CTNNA2: variants seen among roughly 807,000 people sequenced by gnomAD.
The protein encoded by CTNNA2 is catenin alpha-2.
CTNNA2 carries 42 observed loss-of-function variants against 101.0 expected under a neutral mutation model. The observed-to-expected ratio is 0.42, with a 90% CI of 0.32 to 0.54. The LOEUF (loss-of-function observed/expected upper bound fraction) is 0.54, where lower values mean the gene tolerates loss of function less well. Among genes scored for constraint, CTNNA2 ranks in the 20% least tolerant of loss-of-function variants. The probability of loss-of-function intolerance (pLI) is 0.14; values close to 1 mark genes in which losing one functional copy is unlikely to be tolerated. For missense variants in CTNNA2, 871 were observed against 1,223.1 expected (o/e 0.71, Z 4.29); for synonymous variants, 450 against 456.4 (o/e 0.99, Z 0.18).
chr2:79,504,122 T>TG lies in CTNNA2; in HGVS notation c.-134-927dup, dbSNP rs543976983. On this transcript the variant is annotated intron_variant, in intron 4 of 21. Coordinates refer to the CTNNA2 transcript ENST00000466387. ...GGACGATATTAACTGAGATTGTGGC[T>TG]GGGGGCAAAGTATCATGGAATGGGT... Among the ~76,000 whole-genome samples, 6 of 152,276 alleles carry TG rather than the reference T, an allele frequency of 3.9e-5. 1 individual carries two copies. In the South Asian group the frequency reaches 1.2e-3, roughly 32 times the overall value.
At chr2:80,541,071 A>G (rs1047965888) in intron 9 of CTNNA2, among the ~76,000 whole-genome samples, 12 of 152,208 alleles carry the variant, frequency 7.9e-5, no homozygotes, top group African/African-American at 2.7e-4. Flanking sequence ...ATCAAAATAT[A>G]TAAAACCAAG....
At chr2:79,279,269 T>C (rs1156900698) in intron 2 of CTNNA2, among the ~76,000 whole-genome samples, 1 of 152,050 alleles carries the variant, frequency 6.6e-6, no homozygotes, top group Non-Finnish European at 1.5e-5. Context: ...TGCCCTCGCA[T>C]AGAAAAGACA....
chr2:80,297,541 A>G (rs1225396144), intron 7 of CTNNA2, among the ~76,000 whole-genome samples: 1 of 152,192 alleles, frequency 6.6e-6, no homozygotes, highest in East Asian at 1.9e-4. Flanking sequence ...TTGAGTAAAA[A>G]AAGCAAAAGT....
At chr2:80,467,079 C>G (rs959821549) in intron 9 of CTNNA2, among the ~76,000 whole-genome samples, 1 of 152,074 alleles carries the variant, frequency 6.6e-6, no homozygotes, top group Admixed American at 6.6e-5. Context: ...TAATGCCTTC[C>G]AAATACCTTA....
intron 2 of CTNNA2, among the ~76,000 whole-genome samples, chr2:79,307,873 A>G (rs1483102492): frequency 6.6e-6 from 1 of 152,132 alleles, no homozygotes; most frequent in Non-Finnish European, 1.5e-5. Context: ...AACCTCACCA[A>G]CATTTGTTTT....
At chr2:80,629,537 C>G (rs1397014838) in intron 18 of CTNNA2, among the ~76,000 whole-genome samples, 1 of 152,122 alleles carries the variant, frequency 6.6e-6, no homozygotes, top group African/African-American at 2.4e-5. Flanking sequence ...TTTAAAAAAA[C>G]ACTGGTCTAG....
intron 2 of CTNNA2, among the ~76,000 whole-genome samples, chr2:79,657,869 T>C (rs1681727441): frequency 6.6e-6 from 1 of 151,832 alleles, no homozygotes; most frequent in African/African-American, 2.4e-5. Flanking sequence ...ATTTTGCAGT[T>C]ATTTCTAATA....
chr2:79,771,564 C>A (rs779718509), intron 3 of CTNNA2, among the ~76,000 whole-genome samples: 10 of 152,170 alleles, frequency 6.6e-5, no homozygotes, highest in Non-Finnish European at 1.5e-4. Context: ...AGTGACAGAT[C>A]ATCAATTATT....
chr2:79,500,372 A>T (rs183716208), intron 4 of CTNNA2, among the ~76,000 whole-genome samples: 2 of 152,306 alleles, frequency 1.3e-5, no homozygotes, highest in South Asian at 2.1e-4. Context: ...TTTCTATGGG[A>T]TACAAACAGT....
intron 6 of CTNNA2, among the ~76,000 whole-genome samples, chr2:79,891,611 C>T (rs1322399577): frequency 6.6e-6 from 1 of 152,074 alleles, no homozygotes; most frequent in East Asian, 1.9e-4. Flanking sequence ...GTGTGGCAGC[C>T]CTTTGGCCAG....
chr2:79,703,441 A>C (rs2104768221), intron 2 of CTNNA2, among the ~76,000 whole-genome samples: 1 of 152,288 alleles, frequency 6.6e-6, no homozygotes, highest in Non-Finnish European at 1.5e-5. Flanking sequence ...CTATATGGTA[A>C]GTGAAATCCT....
At chr2:80,200,008 C>T (rs1707102734) in intron 7 of CTNNA2, among the ~76,000 whole-genome samples, 1 of 152,110 alleles carries the variant, frequency 6.6e-6, no homozygotes, top group South Asian at 2.1e-4. Flanking sequence ...TAGATACAAC[C>T]AGAAAGCTAA....
intron 12 of CTNNA2, among the ~76,000 whole-genome samples, chr2:80,570,283 A>G (rs1308595792): frequency 6.6e-6 from 1 of 152,076 alleles, no homozygotes; most frequent in African/African-American, 2.4e-5. Context: ...TCCAGACCTC[A>G]GGTGATCCAC....
chr2:79,512,150 G>A (rs1317711298), upstream of CTNNA2, among the ~76,000 whole-genome samples: 1 of 152,110 alleles, frequency 6.6e-6, no homozygotes, highest in Non-Finnish European at 1.5e-5. Context: ...GCCGATGGCT[G>A]GCGGCGCAAA....
At chr2:80,552,849 T>A (rs115865452) in intron 11 of CTNNA2, among the ~76,000 whole-genome samples, 9 of 152,280 alleles carry the variant, frequency 5.9e-5, no homozygotes, top group South Asian at 2.1e-4. Context: ...CCTTTAAGTA[T>A]GTGGTCTGTT....
chr2:79,832,928 T>C (rs1012038578), intron 3 of CTNNA2, among the ~76,000 whole-genome samples: 1 of 152,258 alleles, frequency 6.6e-6, no homozygotes, highest in Non-Finnish European at 1.5e-5. Flanking sequence ...CCATTGCTAC[T>C]GATTACAGTT....
At chr2:79,409,922 C>A (rs1228663031) in intron 4 of CTNNA2, among the ~76,000 whole-genome samples, 1 of 152,058 alleles carries the variant, frequency 6.6e-6, no homozygotes, top group Non-Finnish European at 1.5e-5. Context: ...ATTGATTCTT[C>A]CTACCCATGA....
intron 7 of CTNNA2, among the ~76,000 whole-genome samples, chr2:80,310,818 A>C (rs930935904): frequency 5.3e-5 from 8 of 152,110 alleles, no homozygotes; most frequent in Admixed American, 4.6e-4. Context: ...CTGAAAATAC[A>C]AAAAATTAGC....
chr2:79,396,718 T>C (rs1678235444), intron 4 of CTNNA2, among the ~76,000 whole-genome samples: 1 of 152,202 alleles, frequency 6.6e-6, no homozygotes, highest in African/African-American at 2.4e-5. Context: ...ATAAATATTA[T>C]ACCAACTTTC....
Sources: allele counts gnomAD v4.1 joint callset (sites outside exome capture counted in the v4.1 genomes callset), GRCh38; gene constraint gnomAD v4.1.1; transcripts MANE v1.5; gene names NCBI Gene and HGNC (gene_info 2026-07-23, HGNC 2026-07-21).